BACH2: variants seen among roughly 807,000 people sequenced by gnomAD.
The protein encoded by BACH2 is BACH transcriptional regulator 2, also known as transcription regulator protein BACH2.
A neutral mutation model predicts 61.8 loss-of-function variants in BACH2; 5 were observed. The ratio of observed to expected loss-of-function variants is 0.08; its 90% CI spans 0.04 to 0.17. The LOEUF (loss-of-function observed/expected upper bound fraction) is 0.17. Ranked by LOEUF, BACH2 falls within the 10% of genes least tolerant of loss-of-function variation. The pLI is 1.00. For synonymous variants in BACH2, 446 were observed against 440.1 expected (o/e 1.01, Z -0.17); for missense variants, 824 against 1,091.1 (o/e 0.76, Z 3.45).
intron 1 of BACH2, among the ~76,000 whole-genome samples, chr6:90,275,623 G>T (rs532196144): frequency 1.4e-5 from 2 of 147,996 alleles, no homozygotes; most frequent in Admixed American, 1.3e-4. Flanking sequence ...TACCTGATAG[G>T]TTTTTTTTTT....
intron 1 of BACH2, among the ~76,000 whole-genome samples, chr6:90,274,186 T>C (rs1453880211): frequency 6.6e-6 from 1 of 152,196 alleles, no homozygotes; most frequent in Non-Finnish European, 1.5e-5. Context: ...ATAAAATGCA[T>C]TTTGACACAC....
intron 8 of BACH2, 130 bp downstream of exon 8, chr6:89,938,014 T>G: frequency 1.2e-6 from 1 of 824,026 alleles, no homozygotes; most frequent in Admixed American, 2.4e-5. Flanking sequence ...GTTGAGAAAC[T>G]TCTTAAAAAA....
intron 4 of BACH2, among the ~76,000 whole-genome samples, chr6:90,139,111 A>AT (rs968931761): frequency 1.3e-5 from 2 of 152,152 alleles, no homozygotes; most frequent in Admixed American, 6.5e-5. Flanking sequence ...CTAAAAAAAA[A>AT]GGCATCAAAG....
chr6:90,194,761 C>T (rs1768698157), intron 4 of BACH2, among the ~76,000 whole-genome samples: 1 of 152,188 alleles, frequency 6.6e-6, no homozygotes, highest in Admixed American at 6.5e-5. Context: ...GACATTCAGC[C>T]TTGCCATGGT....
At chr6:90,266,470 T>C (rs1771333925) in intron 2 of BACH2, among the ~76,000 whole-genome samples, 1 of 152,122 alleles carries the variant, frequency 6.6e-6, no homozygotes, top group South Asian at 2.1e-4. Context: ...CATGGGCAAT[T>C]GTTCACAGCA....
chr6:90,029,974 A>G (rs1282252976), intron 5 of BACH2, among the ~76,000 whole-genome samples: 1 of 152,246 alleles, frequency 6.6e-6, no homozygotes, highest in Admixed American at 6.5e-5. Flanking sequence ...TCCCATTTGC[A>G]GAGATGCTGA....
intron 4 of BACH2, among the ~76,000 whole-genome samples, chr6:90,149,291 C>A (rs1393656161): frequency 6.6e-6 from 1 of 152,216 alleles, no homozygotes; most frequent in Non-Finnish European, 1.5e-5. Context: ...TCATGTAATG[C>A]TCAAAAGAAC....
At chr6:90,283,706 T>C (rs1029351650) in intron 1 of BACH2, among the ~76,000 whole-genome samples, 1 of 151,074 alleles carries the variant, frequency 6.6e-6, no homozygotes, top group African/African-American at 2.4e-5. Context: ...TGAACTATTT[T>C]ATAAGAATTT....
At chr6:90,056,873 CT>C (rs1400383120) in intron 5 of BACH2, among the ~76,000 whole-genome samples, 2 of 152,160 alleles carry the variant, frequency 1.3e-5, no homozygotes, top group African/African-American at 2.4e-5. Flanking sequence ...TGAATGACTA[CT>C]GGGTAAATAA....
At chr6:90,094,879 C>CT (rs1170812512) in intron 4 of BACH2, among the ~76,000 whole-genome samples, 1 of 152,070 alleles carries the variant, frequency 6.6e-6, no homozygotes, top group South Asian at 2.1e-4. Context: ...CACACACACA[C>CT]TTTTTTCCCC....
At chr6:89,935,185 C>T (rs1772945008) in intron 8 of BACH2, among the ~76,000 whole-genome samples, 3 of 152,028 alleles carry the variant, frequency 2.0e-5, no homozygotes, top group African/African-American at 2.4e-5. Flanking sequence ...GAAGCTGCTC[C>T]GCCCACCAGC....
intron 3 of BACH2, among the ~76,000 whole-genome samples, chr6:90,235,836 A>G (rs377489822): frequency 5.3e-5 from 8 of 152,262 alleles, no homozygotes; most frequent in East Asian, 3.8e-4. Flanking sequence ...ATGTGGCCTG[A>G]GCAAATGACC....
chr6:90,029,210 C>A (rs72923980), intron 5 of BACH2, among the ~76,000 whole-genome samples: 3 of 152,172 alleles, frequency 2.0e-5, no homozygotes, highest in Non-Finnish European at 4.4e-5. Context: ...TGCATTTTAA[C>A]CCCATGACAG....
At chr6:89,973,678 C>T (rs1233817864) in intron 6 of BACH2, among the ~76,000 whole-genome samples, 1 of 151,966 alleles carries the variant, frequency 6.6e-6, no homozygotes. Context: ...TCTTTGGGGG[C>T]CAGTATCCTG....
chr6:90,178,414 G>A (rs1222055078), intron 4 of BACH2, among the ~76,000 whole-genome samples: 1 of 152,072 alleles, frequency 6.6e-6, no homozygotes. Context: ...TATTTGAAGG[G>A]AAAAAATCTG....
rs1351131338 is a variant in BACH2, at chr6:89,930,065, T to A, written c.*2343A>T. On this transcript the variant is annotated 3_prime_UTR_variant, in exon 9 of 9. Transcript: ENST00000257749. ...GTAGGCCAAGAAATTCCAACAACCA[T>A]AACAAAAACCAGCAGCTCCAACACA... The A allele has an allele frequency of 6.9e-6, 1 of 144,658 alleles. No individual in the cohort carries two copies. 9.0% of individuals were successfully genotyped at this position (144,658 alleles called of 1,614,324 possible).
At chr6:89,979,269 G>A (rs1479601511) in intron 6 of BACH2, among the ~76,000 whole-genome samples, 2 of 152,174 alleles carry the variant, frequency 1.3e-5, no homozygotes, top group East Asian at 3.8e-4. Context: ...ATACTTGCCT[G>A]CCTCTAGAAC....
chr6:90,074,247 G>A (rs1468151437), intron 5 of BACH2, among the ~76,000 whole-genome samples: 1 of 152,140 alleles, frequency 6.6e-6, no homozygotes, highest in Non-Finnish European at 1.5e-5. Context: ...TTTCACAAGA[G>A]GTCTTATTGT....
intron 6 of BACH2, among the ~76,000 whole-genome samples, chr6:90,006,548 G>C (rs184574175): frequency 6.6e-6 from 1 of 152,306 alleles, no homozygotes; most frequent in East Asian, 1.9e-4. Flanking sequence ...AGTGGTAATG[G>C]AGCATTCTAT....
Sources: gnomAD v4.1 joint callset for allele counts (sites outside exome capture counted in the v4.1 genomes callset) on GRCh38, gnomAD v4.1.1 for gene constraint, MANE v1.5 for transcripts, NCBI Gene and HGNC (gene_info 2026-07-23, HGNC 2026-07-21) for gene names.